PLCB1: variants seen among roughly 807,000 people sequenced by gnomAD.
The protein encoded by PLCB1 is 1-phosphatidylinositol 4,5-bisphosphate phosphodiesterase beta-1.
Under a neutral mutation model 161.8 loss-of-function variants are expected in PLCB1, and 46 were observed. The ratio of observed to expected loss-of-function variants is 0.28; its 90% confidence interval spans 0.22 to 0.36. The LOEUF (loss-of-function observed/expected upper bound fraction) is 0.36, where lower values mean the gene tolerates loss of function less well. Among genes scored for constraint, PLCB1 ranks in the 10% least tolerant of loss-of-function variants. The probability of loss-of-function intolerance (pLI) is 1.00; values close to 1 mark genes in which losing one functional copy is unlikely to be tolerated. For missense variants in PLCB1, 1,016 were observed against 1,472.5 expected (o/e 0.69, Z 5.07); for synonymous variants, 517 against 503.7 (o/e 1.03, Z -0.35).
intron 9 of PLCB1, among the ~76,000 whole-genome samples, chr20:8,664,446 G>GA (rs199716011): frequency 5.0e-4 from 75 of 149,662 alleles, no homozygotes; most frequent in East Asian, 4.5e-3. Context: ...GTATCAGTAG[G>GA]AAAAAAAAAC....
chr20:8,871,266 A>G (rs764007211), intron 31 of PLCB1, among the ~76,000 whole-genome samples: 5 of 152,194 alleles, frequency 3.3e-5, no homozygotes, highest in Non-Finnish European at 5.9e-5. Flanking sequence ...ACATACTTAC[A>G]TATATACCTG....
At chr20:8,472,200 A>T (rs1982081954) in intron 3 of PLCB1, among the ~76,000 whole-genome samples, 1 of 152,196 alleles carries the variant, frequency 6.6e-6, no homozygotes, top group Admixed American at 6.5e-5. Flanking sequence ...TAGATACTTG[A>T]TTGTAAAGAT....
rs752616464 is a variant in PLCB1 at position 8,774,652 on chromosome 20, A to C, written c.3044A>C (p.Gln1015Pro). Residue 1015 changes from glutamine (Q) to proline (P), a missense_variant, in exon 27 of 32, where the codon CAG (glutamine) becomes CCG (proline). By Grantham distance (76) the Gln-to-Pro change is moderately conservative. Transcript: ENST00000338037. Reference protein sequence around the residue: ...LIDLKDKQQQQLLNLRQEQYY... With the variant: ...LIDLKDKQQQPLLNLRQEQYY... ...GACTTGAAGGACAAACAACAGCAGC[A>C]GCTGCTTAATCTTCGGCAAGAACAG... 6 of 1,613,960 alleles carry C rather than the reference A, an allele frequency of 3.7e-6. No individual in the cohort carries two copies. The highest frequency in any genetic ancestry group is 4.2e-6 in the Non-Finnish European group (5 of 1,179,930).
intron 23 of PLCB1, among the ~76,000 whole-genome samples, chr20:8,749,806 T>G (rs1420727607): frequency 6.6e-6 from 1 of 152,232 alleles, no homozygotes; most frequent in Non-Finnish European, 1.5e-5. Context: ...TTCACTCTTT[T>G]CATTCATTGA....
At position 8,245,816 on chromosome 20, in the gene PLCB1, T is replaced by C. The variant is rs1308585236; in HGVS notation, c.177+95445T>C. Among the ~76,000 whole-genome samples the C allele has an allele frequency of 3.9e-5, 6 of 151,986 alleles. 1 individual carries two copies. The highest frequency in any genetic ancestry group is 8.8e-5 in the Non-Finnish European group (6 of 67,932). On this transcript the variant is annotated intron_variant, in intron 2 of 31. Transcript: ENST00000338037. ...CTGTAGGTGAGGCACTGTTCTAAGGTCTTTTCATGTATTTATTTAATATTT... is the reference window on the plus strand; with the variant it reads ...CTGTAGGTGAGGCACTGTTCTAAGGCCTTTTCATGTATTTATTTAATATTT...
At chr20:8,867,336 A>G (rs933532808) in intron 31 of PLCB1, among the ~76,000 whole-genome samples, 3 of 152,242 alleles carry the variant, frequency 2.0e-5, no homozygotes, top group African/African-American at 7.2e-5. Context: ...AGGCTGCTTC[A>G]TGGGACTCCA....
intron 2 of PLCB1, among the ~76,000 whole-genome samples, chr20:8,315,785 C>CTGAG (rs1477480982): frequency 6.6e-6 from 1 of 152,146 alleles, no homozygotes; most frequent in African/African-American, 2.4e-5. Flanking sequence ...GGAAAGAAGC[C>CTGAG]TGAGTGTTTG....
intron 3 of PLCB1, among the ~76,000 whole-genome samples, chr20:8,452,218 G>A (rs1462123889): frequency 6.6e-6 from 1 of 152,150 alleles, no homozygotes; most frequent in Non-Finnish European, 1.5e-5. Context: ...CTCATAGGAA[G>A]AGATTATTCC....
chr20:8,371,562 A>G, intron 3 of PLCB1, 112 bp downstream of exon 3: 1 of 687,340 alleles, frequency 1.5e-6, no homozygotes, highest in Non-Finnish European at 2.5e-6. Flanking sequence ...ATGTTGTAAA[A>G]CACAATAGCC....
At position 8,788,503 on chromosome 20, in the gene PLCB1, A is replaced by C; in HGVS notation, c.3166A>C (p.Lys1056Gln). 6.2e-7 allele frequency: 1 copy of C among 1,613,654 alleles called. No individual in the cohort carries two copies. Residue 1056 changes from lysine to glutamine, a missense_variant, in exon 28 of 32, where the codon AAG becomes CAG. By Grantham distance (53) the Lys-to-Gln change is moderately conservative (BLOSUM62 1). This residue lies in a region of PLCB1 where 398 missense variants were observed against 445.4 expected (regional missense o/e 0.89). Transcript: ENST00000338037. ...AGAGTGTCAGAACAATCAGTTAAAG[A>C]AGCTCAAAGAAATCTGTGAGAAGTA... ...AEECQNNQLK[K>Q]LKEICEKEKK...
At chr20:8,403,466 C>A (rs1170984508) in intron 3 of PLCB1, among the ~76,000 whole-genome samples, 7 of 152,090 alleles carry the variant, frequency 4.6e-5, no homozygotes, top group Non-Finnish European at 7.3e-5. Context: ...AATTGGGAAT[C>A]GTAAGAAGTG....
intron 20 of PLCB1, 27 bp from the exon 21 acceptor site, chr20:8,739,234 C>T (rs768265042): frequency 8.1e-7 from 1 of 1,238,326 alleles, no homozygotes; most frequent in Non-Finnish European, 1.2e-6. Context: ...TTCTTATAAC[C>T]AGGTGTGTCC....
At chr20:8,506,605 C>G (rs531039783) in intron 3 of PLCB1, among the ~76,000 whole-genome samples, 1 of 152,208 alleles carries the variant, frequency 6.6e-6, no homozygotes, top group African/African-American at 2.4e-5. Flanking sequence ...AAATGAATTT[C>G]CATTTGTTGG....
At chr20:8,633,283 G>A (rs971075531) in intron 4 of PLCB1, among the ~76,000 whole-genome samples, 4 of 151,966 alleles carry the variant, frequency 2.6e-5, no homozygotes, top group Non-Finnish European at 4.4e-5. Flanking sequence ...ACTGACATAG[G>A]GAAAATATAA....
At chr20:8,436,851 A>G (rs1213780274) in intron 3 of PLCB1, among the ~76,000 whole-genome samples, 1 of 152,048 alleles carries the variant, frequency 6.6e-6, no homozygotes, top group Non-Finnish European at 1.5e-5. Flanking sequence ...GTGCAGGGGT[A>G]CGATCTTTGC....
chr20:8,557,065 T>C (rs1334450758), intron 3 of PLCB1, among the ~76,000 whole-genome samples: 3 of 151,260 alleles, frequency 2.0e-5, no homozygotes, highest in African/African-American at 7.3e-5. Context: ...TTGGTGAAGA[T>C]GAGGGAAACT....
At chr20:8,648,401 C>T (rs1034982342) in intron 6 of PLCB1, among the ~76,000 whole-genome samples, 1 of 152,138 alleles carries the variant, frequency 6.6e-6, no homozygotes, top group South Asian at 2.1e-4. Context: ...AACTAAAGAG[C>T]AAACCCTGTC....
chr20:8,595,024 C>T (rs6039206), intron 3 of PLCB1, among the ~76,000 whole-genome samples: 24,313 of 152,124 alleles, frequency 0.16, 1,933 homozygotes, highest in Middle Eastern at 0.22. Context: ...ATATAGACTA[C>T]ATAACATATG....
At position 8,138,248 on chromosome 20, in the gene PLCB1, A is replaced by G. The variant is rs534845569; in HGVS notation, c.99+5498A>G. Among the ~76,000 whole-genome samples, 3 of 152,354 alleles carry G rather than the reference A, an allele frequency of 2.0e-5. No homozygotes were observed. In the East Asian group the frequency reaches 5.8e-4, roughly 29 times the overall value. ...CATTTGAAAGTTTAGCCTATCAGTA[A>G]ATAGCTTCAAGTTATATTTATCTGC... is the stretch of plus-strand genomic sequence containing the variant. On this transcript the variant is annotated intron_variant, in intron 1 of 31. Transcript: ENST00000338037.
Sources: allele counts gnomAD v4.1 joint callset (sites outside exome capture counted in the v4.1 genomes callset), GRCh38; gene constraint gnomAD v4.1.1; regional missense constraint gnomAD v4.1.1; transcripts MANE v1.5; gene names NCBI Gene and HGNC (gene_info 2026-07-23, HGNC 2026-07-21).